HYDIN: variants seen among roughly 807,000 people sequenced by gnomAD.
HYDIN encodes HYDIN axonemal central pair apparatus protein.
A neutral mutation model predicts 403.9 loss-of-function variants in HYDIN; 132 were observed. That is an observed-to-expected ratio of 0.33 (90% CI 0.28 to 0.38). HYDIN has a LOEUF of 0.38. Among genes scored for constraint, HYDIN ranks in the 10% least tolerant of loss-of-function variants. The pLI, the probability that HYDIN is intolerant of heterozygous loss-of-function variation, is 1.00. For missense variants in HYDIN, 2,827 were observed against 5,009.5 expected (o/e 0.56, Z 13.15); for synonymous variants, 1,202 against 1,891.7 (o/e 0.64, Z 9.46).
intron 1 of HYDIN, among the ~76,000 whole-genome samples, chr16:71,228,553 A>G (rs1340685421): frequency 6.6e-6 from 1 of 152,274 alleles, no homozygotes; most frequent in Non-Finnish European, 1.5e-5. Context: ...AGACACATGA[A>G]AAAATGCTCA....
intron 9 of HYDIN, among the ~76,000 whole-genome samples, chr16:71,122,646 A>T (rs2144492456): frequency 8.5e-6 from 1 of 118,296 alleles, no homozygotes; most frequent in Admixed American, 9.2e-5. Flanking sequence ...CCCGCTTGGG[A>T]AAAATAAAGT....
chr16:70,853,670 G>C (rs1439713397), intron 73 of HYDIN, among the ~76,000 whole-genome samples: 2 of 142,552 alleles, frequency 1.4e-5, no homozygotes, highest in African/African-American at 3.0e-5. Flanking sequence ...GAAAGTATTG[G>C]ATTCCAGAGG....
intron 16 of HYDIN, among the ~76,000 whole-genome samples, chr16:71,063,934 A>T (rs2082172096): frequency 6.8e-6 from 1 of 146,508 alleles, no homozygotes. Context: ...CTTTACCTAA[A>T]GGTGGTAATT....
Position 70,818,473 on chromosome 16 carries a change from G to A in HYDIN, c.14527C>T (p.Pro4843Ser), listed in dbSNP as rs778608394. Residue 4843 changes from proline (P) to serine (S), a missense_variant, in exon 84 of 86, where the codon CCA becomes TCA. Transcript: ENST00000393567. ...GIIKTIEMVTPVRQVASASIK... is the reference protein window; with the variant it reads ...GIIKTIEMVTSVRQVASASIK... ...GAGGCTGACGCAACTTGCCGGACTG[G>A]GGTCACCATCTCGATGGTTTTGATG... 2 of 1,525,164 alleles carry A rather than the reference G, an allele frequency of 1.3e-6. No individual in the cohort carries two copies. The highest frequency in any genetic ancestry group is 2.3e-5 in the South Asian group (2 of 85,440). The allele number at this position is 1,525,164 out of a possible 1,614,324, so 94.5% of individuals were successfully genotyped here. A position where few individuals can be genotyped will look rare whatever the true frequency, so the allele number is the denominator to read the frequency against.
At chr16:71,075,851 C>T in intron 13 of HYDIN, 1 of 214,056 alleles carries the variant, frequency 4.7e-6, no homozygotes, top group Non-Finnish European at 1.0e-5. Flanking sequence ...TTCTGCCTGG[C>T]TTTCTTGTTG....
At chr16:70,926,377 C>T (rs1246409373) in intron 45 of HYDIN, among the ~76,000 whole-genome samples, 7 of 151,762 alleles carry the variant, frequency 4.6e-5, no homozygotes, top group African/African-American at 9.7e-5. Context: ...AACCAAACAC[C>T]GCATGTTCTC....
intron 83 of HYDIN, among the ~76,000 whole-genome samples, chr16:70,820,267 G>A (rs1160711134): frequency 8.0e-6 from 1 of 125,414 alleles, no homozygotes; most frequent in African/African-American, 3.1e-5. Flanking sequence ...CTCGGCTCCC[G>A]GCAAGCTCCC....
intron 1 of HYDIN, among the ~76,000 whole-genome samples, chr16:71,226,805 G>A (rs758799493): frequency 6.6e-6 from 1 of 152,146 alleles, no homozygotes; most frequent in Non-Finnish European, 1.5e-5. Flanking sequence ...ACCGCATCCA[G>A]ACAGTGAGAG....
intron 23 of HYDIN, among the ~76,000 whole-genome samples, chr16:70,996,833 G>A (rs933717352): frequency 1.3e-5 from 2 of 151,728 alleles, no homozygotes; most frequent in Non-Finnish European, 2.9e-5. Context: ...TTTCATGGAA[G>A]ACAATTTTTC....
intron 1 of HYDIN, among the ~76,000 whole-genome samples, chr16:71,227,892 G>A (rs1252158243): frequency 2.5e-4 from 38 of 152,206 alleles, no homozygotes; most frequent in Middle Eastern, 6.8e-3. Context: ...GAGGCATCAC[G>A]CTACCTGACT....
intron 75 of HYDIN, among the ~76,000 whole-genome samples, chr16:70,849,227 C>T (rs1478608516): frequency 6.6e-6 from 1 of 152,130 alleles, no homozygotes; most frequent in African/African-American, 2.4e-5. Context: ...TACCACAAAG[C>T]TCACTGCCTT....
At chr16:70,931,210 G>GGTTTT (rs1555575146) in intron 45 of HYDIN, among the ~76,000 whole-genome samples, 3 of 59,464 alleles carry the variant, frequency 5.0e-5, no homozygotes, top group African/African-American at 1.9e-4. Context: ...TCTTTCTTCT[G>GGTTTT]TTTTTTTTTT....
At chr16:71,073,170 T>C (rs2082522833) in intron 13 of HYDIN, among the ~76,000 whole-genome samples, 2 of 152,224 alleles carry the variant, frequency 1.3e-5, no homozygotes, top group African/African-American at 4.8e-5. Context: ...TCAAGACTGA[T>C]GGGATGAGAT....
chr16:71,150,082 C>T (rs914824570), intron 7 of HYDIN, among the ~76,000 whole-genome samples: 1 of 147,720 alleles, frequency 6.8e-6, no homozygotes, highest in Non-Finnish European at 1.5e-5. Flanking sequence ...ACATAAGATA[C>T]CCTGGTTGAA....
intron 45 of HYDIN, among the ~76,000 whole-genome samples, chr16:70,931,001 G>A: frequency 6.6e-6 from 1 of 151,974 alleles, no homozygotes; most frequent in East Asian, 1.9e-4. Context: ...ACTATATGCA[G>A]CTATTATAAC....
rs2040486139 is a variant in HYDIN, at chr16:70,877,029, T to C, written c.10558-2110A>G. The stretch of plus-strand genomic sequence containing the variant: ...TATTCAGATTTTTAAAACAGCCTAA[T>C]AGAAATTCTAAGACTGAAAAATATA... On this transcript the variant is annotated intron_variant, in intron 62 of 85. Coordinates refer to ENST00000393567, the MANE Select transcript of HYDIN (RefSeq NM_001270974.2). Among the ~76,000 whole-genome samples the C allele has an allele frequency of 2.0e-5, 3 of 150,266 alleles. No individual in the cohort carries two copies. The South Asian group carries it at 6.3e-4, about 31-fold the overall frequency.
intron 10 of HYDIN, among the ~76,000 whole-genome samples, chr16:71,094,705 T>C (rs2083223175): frequency 6.6e-6 from 1 of 152,300 alleles, no homozygotes; most frequent in Non-Finnish European, 1.5e-5. Context: ...GATAATGCAC[T>C]TGCATGGAGT....
In HYDIN at chr16:71,169,919, A is replaced by G. The variant is rs759823843; in HGVS notation, c.516+5688T>C. Among the ~76,000 whole-genome samples the G allele has an allele frequency of 1.4e-4, 22 of 152,232 alleles. 1 individual carries two copies. The highest frequency in any genetic ancestry group is 2.4e-4 in the Non-Finnish European group (16 of 68,040). On this transcript the variant is annotated intron_variant, in intron 5 of 85. Transcript: ENST00000393567. ...CAATGTGTATATATATTAAAACCTC[A>G]TGTTGAACACCACAAATATATACAA...
chr16:70,996,242 C>T (rs527550604), intron 23 of HYDIN, among the ~76,000 whole-genome samples: 1 of 152,354 alleles, frequency 6.6e-6, no homozygotes, highest in Admixed American at 6.5e-5. Context: ...AGAGCCCTCC[C>T]TCAATAAGTC....
Sources: allele counts gnomAD v4.1 joint callset (sites outside exome capture counted in the v4.1 genomes callset), GRCh38; gene constraint gnomAD v4.1.1; transcripts MANE v1.5; gene names NCBI Gene and HGNC (gene_info 2026-07-23, HGNC 2026-07-21).